The following TACR1 variants were observed in gnomAD, a reference collection of about 807,000 sequenced individuals.
The protein encoded by TACR1 is substance-P receptor.
In TACR1, 25 loss-of-function variants were observed where a neutral mutation model predicts 35.8. The ratio of observed to expected loss-of-function variants is 0.70; its 90% CI spans 0.51 to 0.98. The LOEUF (loss-of-function observed/expected upper bound fraction) is 0.98. Among genes scored for constraint, TACR1 ranks in the 50% least tolerant of loss-of-function variants. TACR1 has a pLI of 0.00. For synonymous variants in TACR1, 195 were observed against 206.7 expected (o/e 0.94, Z 0.48); for missense variants, 478 against 522.9 (o/e 0.91, Z 0.84).
intron 1 of TACR1, among the ~76,000 whole-genome samples, chr2:75,132,437 T>G (rs956993121): frequency 6.6e-6 from 1 of 152,232 alleles, no homozygotes; most frequent in African/African-American, 2.4e-5. Flanking sequence ...TATTGTTCAT[T>G]TTTAGAATTT....
intron 1 of TACR1, among the ~76,000 whole-genome samples, chr2:75,142,842 A>G (rs1242183175): frequency 2.0e-5 from 3 of 152,170 alleles, no homozygotes; most frequent in Non-Finnish European, 4.4e-5. Flanking sequence ...CCCATGGCCT[A>G]ATGAATTGGA....
chr2:75,191,879 G>C (rs958995925), intron 1 of TACR1, among the ~76,000 whole-genome samples: 1 of 152,094 alleles, frequency 6.6e-6, no homozygotes, highest in East Asian at 1.9e-4. Flanking sequence ...ACTTGGATAG[G>C]TTCTGGGAAC....
chr2:75,181,188 C>T (rs1487972201), intron 1 of TACR1, among the ~76,000 whole-genome samples: 1 of 152,186 alleles, frequency 6.6e-6, no homozygotes, highest in African/African-American at 2.4e-5. Flanking sequence ...TATTTGGAAT[C>T]ATTACCAATT....
intron 2 of TACR1, among the ~76,000 whole-genome samples, chr2:75,085,341 A>T (rs1673170360): frequency 6.6e-6 from 1 of 151,986 alleles, no homozygotes; most frequent in Non-Finnish European, 1.5e-5. Context: ...AAATTTGAGG[A>T]TCTTCTCCCA....
intron 2 of TACR1, among the ~76,000 whole-genome samples, chr2:75,113,532 C>CCTTTT (rs1673791802): frequency 2.2e-5 from 2 of 92,084 alleles, no homozygotes; most frequent in African/African-American, 8.9e-5. Context: ...TTTCTTCTTC[C>CCTTTT]TTTTTTTTTT....
At chr2:75,053,888 T>A in intron 2 of TACR1, 133 bp from the exon 3 acceptor site, 1 of 1,191,946 alleles carries the variant, frequency 8.4e-7, no homozygotes, top group African/African-American at 1.5e-5. Context: ...GCTTGGGCTG[T>A]AAAGCCCACT....
At chr2:75,147,463 G>C (rs1295888718) in intron 1 of TACR1, among the ~76,000 whole-genome samples, 3 of 152,146 alleles carry the variant, frequency 2.0e-5, no homozygotes, top group Admixed American at 2.0e-4. Flanking sequence ...AGAATGTGCA[G>C]GTTCATATAT....
chr2:75,157,073 A>G (rs1034684482), intron 1 of TACR1, among the ~76,000 whole-genome samples: 6 of 152,202 alleles, frequency 3.9e-5, no homozygotes, highest in East Asian at 1.9e-4. Flanking sequence ...ACCTGGATCA[A>G]TGGTTTTCAG....
rs187541543 is a variant in TACR1, at chr2:75,126,874, G to A, written c.390-6106C>T. Among the ~76,000 whole-genome samples, 24 of 152,212 alleles carry A rather than the reference G, an allele frequency of 1.6e-4. No homozygotes were observed. The East Asian group carries it at 1.9e-3, about 12-fold the overall frequency. On this transcript the variant is annotated intron_variant, in intron 1 of 4. Transcript: ENST00000305249. ...TTTCAAAGAAGACATACCTGTGGCC[G>A]CAAGCATATGAAAAAAATCTCAATA...
intron 2 of TACR1, among the ~76,000 whole-genome samples, chr2:75,060,938 G>A (rs1268831942): frequency 6.6e-6 from 1 of 152,158 alleles, no homozygotes; most frequent in Non-Finnish European, 1.5e-5. Flanking sequence ...GGTGAATGGG[G>A]GAGTGAAGGT....
chr2:75,117,133 TTGTGTGTG>T (rs3079167), intron 2 of TACR1, among the ~76,000 whole-genome samples: 5,333 of 148,556 alleles, frequency 0.036, 271 homozygotes, highest in African/African-American at 0.12. Flanking sequence ...ACTTTGTGGA[TTGTGTGTG>T]TGTGTGTGTG....
intron 1 of TACR1, among the ~76,000 whole-genome samples, chr2:75,163,533 A>G (rs142287674): frequency 4.6e-5 from 7 of 152,338 alleles, no homozygotes; most frequent in African/African-American, 4.8e-5. Context: ...ATGTTGCCAG[A>G]TTTCTTATAA....
intron 1 of TACR1, among the ~76,000 whole-genome samples, chr2:75,143,865 C>T (rs2103952622): frequency 6.6e-6 from 1 of 152,222 alleles, no homozygotes; most frequent in Non-Finnish European, 1.5e-5. Flanking sequence ...AGCCCACTGC[C>T]CCCAATTCTG....
At chr2:75,178,128 C>A (rs1280165728) in intron 1 of TACR1, among the ~76,000 whole-genome samples, 1 of 152,116 alleles carries the variant, frequency 6.6e-6, no homozygotes, top group South Asian at 2.1e-4. Flanking sequence ...TCACTTAAAA[C>A]CTTTGCTCCT....
chr2:75,176,012 C>CAAAA (rs34884122), intron 1 of TACR1, among the ~76,000 whole-genome samples: 38 of 109,468 alleles, frequency 3.5e-4, no homozygotes, highest in South Asian at 6.7e-4. Context: ...TTGAGCTGTC[C>CAAAA]AAAAAAAAAA....
At chr2:75,176,279 G>T (rs1448149275) in intron 1 of TACR1, among the ~76,000 whole-genome samples, 4 of 150,102 alleles carry the variant, frequency 2.7e-5, no homozygotes, top group Admixed American at 6.6e-5. Context: ...TAGGTAGATT[G>T]TAATATCTAT....
intron 2 of TACR1, among the ~76,000 whole-genome samples, chr2:75,079,205 T>G (rs1673034055): frequency 6.6e-6 from 1 of 152,166 alleles, no homozygotes; most frequent in African/African-American, 2.4e-5. Context: ...GTCCCATGCC[T>G]CTTCCATGTG....
intron 1 of TACR1, among the ~76,000 whole-genome samples, chr2:75,181,070 A>G (rs1311743873): frequency 2.0e-5 from 3 of 152,168 alleles, no homozygotes; most frequent in Admixed American, 1.3e-4. Context: ...TCTTGCAAAC[A>G]TCTAATGGCC....
chr2:75,133,834 CA>C (rs1674225911), intron 1 of TACR1, among the ~76,000 whole-genome samples: 1 of 152,288 alleles, frequency 6.6e-6, no homozygotes, highest in Non-Finnish European at 1.5e-5. Flanking sequence ...TTCTAAATCA[CA>C]GGGTGACATA....
Sources: allele counts gnomAD v4.1 joint callset (sites outside exome capture counted in the v4.1 genomes callset), GRCh38; gene constraint gnomAD v4.1.1; transcripts MANE v1.5; gene names NCBI Gene and HGNC (gene_info 2026-07-23, HGNC 2026-07-21).